The following VPS53 variants were observed in gnomAD, a reference collection of about 807,000 sequenced individuals.
The protein encoded by VPS53 is vacuolar protein sorting-associated protein 53 homolog.
In VPS53, 70 loss-of-function variants were observed where a neutral mutation model predicts 107.0. The ratio of observed to expected loss-of-function variants is 0.65; its 90% CI spans 0.54 to 0.80. The LOEUF (loss-of-function observed/expected upper bound fraction) is 0.80. VPS53 is among the 30% of genes least tolerant of loss of function. VPS53 has a pLI of 0.00. For missense variants in VPS53, 917 were observed against 1,049.4 expected (o/e 0.87, Z 1.74); for synonymous variants, 409 against 393.3 (o/e 1.04, Z -0.47).
intron 17 of VPS53, among the ~76,000 whole-genome samples, chr17:545,292 C>T (rs944196307): frequency 6.6e-6 from 1 of 152,186 alleles, no homozygotes; most frequent in African/African-American, 2.4e-5. Context: ...GCATTTCCCT[C>T]TCCTTGTCTA....
At chr17:643,904 G>A (rs900755994) in intron 7 of VPS53, among the ~76,000 whole-genome samples, 1 of 152,234 alleles carries the variant, frequency 6.6e-6, no homozygotes, top group Non-Finnish European at 1.5e-5. Flanking sequence ...AGCTGTGCAG[G>A]CCTGTCCATT....
At chr17:667,552 G>T (rs1365889879) in intron 4 of VPS53, among the ~76,000 whole-genome samples, 1 of 81,870 alleles carries the variant, frequency 1.2e-5, no homozygotes, top group Admixed American at 1.6e-4. Context: ...TGTTCTGGGG[G>T]GGGCAATGGG....
intron 18 of VPS53, among the ~76,000 whole-genome samples, chr17:534,726 T>G (rs753841169): frequency 5.9e-5 from 9 of 152,142 alleles, no homozygotes; most frequent in Non-Finnish European, 8.8e-5. Context: ...GAGACCAGCC[T>G]GGGCAACATG....
At chr17:575,851 A>AT (rs1425616231) in intron 13 of VPS53, among the ~76,000 whole-genome samples, 8 of 151,536 alleles carry the variant, frequency 5.3e-5, no homozygotes. Flanking sequence ...TCAGAACCTA[A>AT]TGCGTTCCCA....
intron 19 of VPS53, among the ~76,000 whole-genome samples, chr17:522,461 C>T (rs1471408077): frequency 1.3e-5 from 2 of 152,150 alleles, no homozygotes; most frequent in African/African-American, 4.8e-5. Flanking sequence ...AAAGAAGAAT[C>T]GTGATTTAAT....
chr17:625,369 G>A (rs1283179702), intron 10 of VPS53, among the ~76,000 whole-genome samples: 1 of 152,006 alleles, frequency 6.6e-6, no homozygotes, highest in African/African-American at 2.4e-5. Context: ...GGCTGAAGCA[G>A]GAGGGCTGCC....
intron 11 of VPS53, chr17:616,619 T>C (rs35206514): frequency 0.35 from 52,955 of 152,294 alleles, 11,035 homozygotes; most frequent in Non-Finnish European, 0.47. Context: ...GGGGCTGTGC[T>C]GCCCTGAGAA....
At position 703,415 on chromosome 17, in the gene VPS53, G is replaced by A. The variant is rs116772630; in HGVS notation, c.169-4035C>T. 5.3e-3 allele frequency among the ~76,000 whole-genome samples: 799 copies of A among 150,794 alleles called. 10 individuals carry two copies. Among genetic ancestry groups the A allele is most frequent in the African/African-American group, 0.018 (731 of 40,186 alleles). On this transcript the variant is annotated intron_variant, in intron 2 of 21. Transcript: ENST00000437048. ...TAATTTTCCTGCACCCCAAGACACCGGACAGCTATGACACACCCACTCTCA... is the reference window on the plus strand; with the variant it reads ...TAATTTTCCTGCACCCCAAGACACCAGACAGCTATGACACACCCACTCTCA...
intron 4 of VPS53, among the ~76,000 whole-genome samples, chr17:669,004 T>G (rs1359437385): frequency 6.6e-6 from 1 of 152,204 alleles, no homozygotes; most frequent in Non-Finnish European, 1.5e-5. Flanking sequence ...TTGCTTGTTT[T>G]AATAAGGTAC....
chr17:546,104 A>T lies in VPS53; in HGVS notation c.1866+5768T>A, dbSNP rs1028844235. ...GGGTATCAAGATCATCCAATGTGAA[A>T]AGAATAGTCGTTTCAACAAATAGTG... On this transcript the variant is annotated intron_variant, in intron 17 of 21. Coordinates refer to ENST00000437048, the MANE Select transcript of VPS53 (RefSeq NM_001128159.3). Among the ~76,000 whole-genome samples, 4 of 152,332 alleles carry T rather than the reference A, an allele frequency of 2.6e-5. No homozygotes were observed. The South Asian group carries it at 8.3e-4, about 32-fold the overall frequency.
intron 4 of VPS53, among the ~76,000 whole-genome samples, chr17:687,437 G>A (rs776288416): frequency 1.3e-5 from 2 of 152,174 alleles, no homozygotes; most frequent in Admixed American, 1.3e-4. Flanking sequence ...TTAGCCGGGC[G>A]TGGTGGCACA....
intron 7 of VPS53, among the ~76,000 whole-genome samples, chr17:632,426 G>C (rs1210468234): frequency 6.6e-6 from 1 of 152,072 alleles, no homozygotes; most frequent in Non-Finnish European, 1.5e-5. Flanking sequence ...TACCTGTGAA[G>C]TCTTGATACA....
At chr17:570,738 T>C (rs996901123) in intron 13 of VPS53, among the ~76,000 whole-genome samples, 1 of 152,252 alleles carries the variant, frequency 6.6e-6, no homozygotes, top group Admixed American at 6.5e-5. Context: ...CCTAGGGCTA[T>C]TCAAACAGGC....
intron 17 of VPS53, among the ~76,000 whole-genome samples, chr17:548,412 C>T (rs1035347383): frequency 6.7e-6 from 1 of 149,654 alleles, no homozygotes; most frequent in East Asian, 2.1e-4. Context: ...TCCACTTTGG[C>T]CAGCCAACAG....
rs1026387356 is a variant in VPS53, at chr17:710,059, C to T, written c.168+474G>A. On this transcript the variant is annotated intron_variant, in intron 2 of 21. Coordinates refer to ENST00000437048, the MANE Select transcript of VPS53 (RefSeq NM_001128159.3). ...ACTCAGGAGGCTGAGGCAGAAGAAT[C>T]GCCTGAACCCAGGAGGCAGACGTTG... Among the ~76,000 whole-genome samples, 3 of 152,016 alleles carry T rather than the reference C, an allele frequency of 2.0e-5. No individual in the cohort carries two copies. In the South Asian group the frequency reaches 6.2e-4, roughly 32 times the overall value.
In VPS53 at chr17:628,135, T is replaced by A; in HGVS notation, c.784A>T (p.Lys262Ter). 1 of 1,614,026 alleles carries A rather than the reference T, an allele frequency of 6.2e-7. No homozygotes were observed. Among genetic ancestry groups the A allele is most frequent in the African/African-American group, 1.3e-5 (1 of 75,066 alleles). Residue 262 changes from lysine to a stop codon, truncating the protein, a stop_gained, in exon 9 of 22, where the codon AAA (lysine) becomes TAA (stop). Transcript: ENST00000437048. LOFTEE classifies it high-confidence loss of function. ...ACCAGATACTCTGACAGATGCTGTT[T>A]AATAAACTTTTTGATGATTTCCTGT... ...IKQEIIKKFI[K>*]QHLSEYLVLF...
At chr17:528,995 G>GT (rs1036174106) in intron 19 of VPS53, among the ~76,000 whole-genome samples, 1 of 152,042 alleles carries the variant, frequency 6.6e-6, no homozygotes, top group Non-Finnish European at 1.5e-5. Flanking sequence ...TGGCTGTACC[G>GT]TTTTGCATTA....
intron 8 of VPS53, among the ~76,000 whole-genome samples, chr17:630,154 T>C (rs1307342752): frequency 6.6e-6 from 1 of 151,216 alleles, no homozygotes; most frequent in Non-Finnish European, 1.5e-5. Context: ...ATTAGCCAGG[T>C]GTGGTGGCAG....
At chr17:689,882 C>T (rs1382503736) in intron 4 of VPS53, among the ~76,000 whole-genome samples, 1 of 152,160 alleles carries the variant, frequency 6.6e-6, no homozygotes, top group Non-Finnish European at 1.5e-5. Context: ...AGTTCATAAT[C>T]TTTATGATAT....
Sources: allele counts gnomAD v4.1 joint callset (sites outside exome capture counted in the v4.1 genomes callset), GRCh38; gene constraint gnomAD v4.1.1; transcripts MANE v1.5; gene names NCBI Gene and HGNC (gene_info 2026-07-23, HGNC 2026-07-21).